The following SYTL5 variants were observed in gnomAD, a reference collection of about 807,000 sequenced individuals.
The protein encoded by SYTL5 is synaptotagmin like 5.
SYTL5 carries 34 observed loss-of-function variants against 55.9 expected under a neutral mutation model. The observed-to-expected ratio is 0.61, with a 90% CI of 0.46 to 0.81. The LOEUF (loss-of-function observed/expected upper bound fraction) is 0.81, where lower values mean the gene tolerates loss of function less well. Among genes scored for constraint, SYTL5 ranks in the 30% least tolerant of loss-of-function variants. The probability of loss-of-function intolerance (pLI) is 0.00; values close to 1 mark genes in which losing one functional copy is unlikely to be tolerated. For synonymous variants in SYTL5, 221 were observed against 188.7 expected (o/e 1.17, Z -1.40); for missense variants, 637 against 546.7 (o/e 1.17, Z -1.65).
At chrX:37,985,144 C>T in the SYTL5 span, among the ~76,000 whole-genome samples, 1 of 111,458 alleles carries the variant, frequency 9.0e-6, no homozygotes, top group Non-Finnish European at 1.9e-5. Context: ...AGCAAAGATA[C>T]AAGTAAAAGC....
At chrX:37,979,159 A>G in the SYTL5 span, among the ~76,000 whole-genome samples, 3 of 111,064 alleles carry the variant, frequency 2.7e-5, no homozygotes, top group African/African-American at 9.8e-5. Context: ...AAATTACACA[A>G]ACAGTCTGTG....
the SYTL5 span, among the ~76,000 whole-genome samples, chrX:37,925,991 T>C: frequency 4.5e-5 from 5 of 112,066 alleles, no homozygotes; most frequent in African/African-American, 1.6e-4. Context: ...CCACAATTTC[T>C]TTATCCACTC....
At chrX:38,071,572 TA>T (rs1936265056) in intron 3 of SYTL5, among the ~76,000 whole-genome samples, 1 of 111,926 alleles carries the variant, frequency 8.9e-6, no homozygotes, top group Admixed American at 9.5e-5. Flanking sequence ...GATCTGATCA[TA>T]AGTCTGATCA....
rs928919574 is a variant in SYTL5, at chrX:38,126,621, A to G, written c.2084A>G (p.Asp695Gly). 1 of 1,209,096 alleles carries G rather than the reference A, an allele frequency of 8.3e-7. No individual in the cohort carries two copies. Among genetic ancestry groups the G allele is most frequent in the African/African-American group, 1.8e-5 (1 of 57,013 alleles). ...CATGGGAAGAACGTGGATTGGATGG[A>G]CTCTCAGGGGGAAGAGCAGCGCCTT... ...VSHGKNVDWM[D>G]SQGEEQRLWQ... is the part of the protein sequence containing the mutation. Residue 695 changes from aspartate to glycine, a missense_variant, in exon 17 of 17, where the codon GAC (aspartate) becomes GGC (glycine). Asp to Gly is a moderately conservative substitution (Grantham distance 94). Coordinates refer to ENST00000297875, the MANE Select transcript of SYTL5 (RefSeq NM_138780.3).
chrX:38,011,580 G>A (rs937581187), intron 1 of SYTL5, among the ~76,000 whole-genome samples: 2 of 108,602 alleles, frequency 1.8e-5, no homozygotes, highest in Non-Finnish European at 3.8e-5. Flanking sequence ...TTTGCAGTGA[G>A]CCAAGATCGC....
chrX:37,979,958 T>G, the SYTL5 span, among the ~76,000 whole-genome samples: 1 of 109,895 alleles, frequency 9.1e-6, no homozygotes, highest in South Asian at 4.0e-4. Flanking sequence ...CTATCCCTCC[T>G]CCCCCTACCC....
chrX:38,063,878 C>T (rs1374883341), intron 3 of SYTL5, among the ~76,000 whole-genome samples: 2 of 111,392 alleles, frequency 1.8e-5, no homozygotes, highest in Admixed American at 9.5e-5. Flanking sequence ...GCCTGACAAA[C>T]ATGTATGAGT....
At chrX:38,044,672 G>T (rs1032299307) in intron 2 of SYTL5, among the ~76,000 whole-genome samples, 2 of 111,589 alleles carry the variant, frequency 1.8e-5, no homozygotes, top group Non-Finnish European at 3.8e-5. Flanking sequence ...TTAAAGAAAT[G>T]CAGCTTTCCT....
the SYTL5 span, among the ~76,000 whole-genome samples, chrX:37,941,008 G>C: frequency 0.027 from 3,019 of 111,747 alleles, 99 homozygotes; most frequent in African/African-American, 0.094. Context: ...AATTTATGTA[G>C]TTACTATGAA....
At chrX:37,982,786 A>G in the SYTL5 span, among the ~76,000 whole-genome samples, 137 of 111,841 alleles carry the variant, frequency 1.2e-3, 1 homozygote, top group East Asian at 0.034. Flanking sequence ...TCATATAACA[A>G]AAGCTATAAG....
At chrX:38,091,286 T>G (rs1329605470) in intron 7 of SYTL5, among the ~76,000 whole-genome samples, 1 of 112,183 alleles carries the variant, frequency 8.9e-6, no homozygotes, top group African/African-American at 3.2e-5. Context: ...CAGTAATAGA[T>G]TTATTTAAAC....
chrX:37,926,156 T>C, the SYTL5 span, among the ~76,000 whole-genome samples: 1 of 111,810 alleles, frequency 8.9e-6, no homozygotes, highest in African/African-American at 3.2e-5. Flanking sequence ...GATCAAATGG[T>C]AGTTTTACTT....
At chrX:38,021,870 T>C (rs760304847) in intron 1 of SYTL5, among the ~76,000 whole-genome samples, 2 of 112,046 alleles carry the variant, frequency 1.8e-5, no homozygotes, top group Non-Finnish European at 3.8e-5. Context: ...AAATATGAAA[T>C]AAACCTGTGC....
the SYTL5 span, among the ~76,000 whole-genome samples, chrX:37,925,654 T>C: frequency 1.1e-4 from 12 of 111,296 alleles, no homozygotes; most frequent in African/African-American, 3.6e-4. Context: ...GGTATTTGGT[T>C]ACATGAGTAG....
the SYTL5 span, among the ~76,000 whole-genome samples, chrX:37,936,126 A>G: frequency 8.9e-6 from 1 of 112,381 alleles, no homozygotes; most frequent in African/African-American, 3.2e-5. Flanking sequence ...CTAGAGATAA[A>G]GGAATACATT....
chrX:37,958,538 T>A, the SYTL5 span, among the ~76,000 whole-genome samples: 1 of 111,545 alleles, frequency 9.0e-6, no homozygotes, highest in Non-Finnish European at 1.9e-5. Context: ...ACACACGACA[T>A]TTAGGGGACA....
At chrX:38,107,999 A>T (rs1374781408) in intron 11 of SYTL5, among the ~76,000 whole-genome samples, 1 of 112,297 alleles carries the variant, frequency 8.9e-6, no homozygotes, top group Non-Finnish European at 1.9e-5. Context: ...AGCTCAAGCT[A>T]AAGTGTTGGG....
chrX:38,026,692 G>C (rs1934789372), intron 1 of SYTL5, among the ~76,000 whole-genome samples: 1 of 111,715 alleles, frequency 9.0e-6, no homozygotes, highest in Non-Finnish European at 1.9e-5. Context: ...TCTGTAAACT[G>C]TCATGGCACT....
the SYTL5 span, among the ~76,000 whole-genome samples, chrX:37,924,616 C>T: frequency 1.8e-5 from 2 of 111,662 alleles, no homozygotes; most frequent in Non-Finnish European, 3.8e-5. Flanking sequence ...CTTTCCCTGA[C>T]TGCCCTATAT....
Sources: gnomAD v4.1 joint callset for allele counts (sites outside exome capture counted in the v4.1 genomes callset) on GRCh38, gnomAD v4.1.1 for gene constraint, MANE v1.5 for transcripts, NCBI Gene and HGNC (gene_info 2026-07-23, HGNC 2026-07-21) for gene names.